The following CNIH3 variants were observed in gnomAD, a reference collection of about 807,000 sequenced individuals.
The protein encoded by CNIH3 is protein cornichon homolog 3.
Under a neutral mutation model 24.1 loss-of-function variants are expected in CNIH3, and 14 were observed. That is an observed-to-expected ratio of 0.58 (90% CI 0.38 to 0.91). The LOEUF (loss-of-function observed/expected upper bound fraction) is 0.91, where lower values mean the gene tolerates loss of function less well. Among genes scored for constraint, CNIH3 ranks in the 40% least tolerant of loss-of-function variants. The pLI, the probability that CNIH3 is intolerant of heterozygous loss-of-function variation, is 0.00. For synonymous variants in CNIH3, 68 were observed against 73.8 expected, an observed-to-expected ratio of 0.92 and a Z score of 0.40; for missense variants, 178 against 196.8, an observed-to-expected ratio of 0.90 and a Z score of 0.57.
chr1:224,471,905 T>TA (rs1431704696), intron 1 of CNIH3, among the ~76,000 whole-genome samples: 1 of 152,208 alleles, frequency 6.6e-6, no homozygotes, highest in Non-Finnish European at 1.5e-5. Context: ...TTCTTTTTTT[T>TA]ATAGCTGAAT....
chr1:224,719,648 CTAT>C (rs1688610203), intron 3 of CNIH3, among the ~76,000 whole-genome samples: 2 of 152,186 alleles, frequency 1.3e-5, no homozygotes, highest in Non-Finnish European at 2.9e-5. Flanking sequence ...GAATTAGATA[CTAT>C]TATTATTATC....
At chr1:224,671,489 A>C (rs1029860613) in intron 1 of CNIH3, among the ~76,000 whole-genome samples, 31 of 152,206 alleles carry the variant, frequency 2.0e-4, no homozygotes, top group Non-Finnish European at 1.5e-5. Context: ...AGAGGGTGAG[A>C]CTGCATGGCC....
At chr1:224,593,112 C>T (rs187166021), downstream of CNIH3, among the ~76,000 whole-genome samples, 97 of 151,880 alleles carry the variant, frequency 6.4e-4, no homozygotes, top group East Asian at 0.017. Context: ...CCCCACTTCC[C>T]GTCCCCAGAC....
intron 1 of CNIH3, among the ~76,000 whole-genome samples, chr1:224,634,744 C>T (rs911033734): frequency 1.3e-5 from 2 of 152,150 alleles, no homozygotes; most frequent in Non-Finnish European, 2.9e-5. Context: ...ACTCCTCTTC[C>T]TAAGAAATGC....
chr1:224,698,776 C>T (rs1444436542), intron 3 of CNIH3, among the ~76,000 whole-genome samples: 1 of 152,190 alleles, frequency 6.6e-6, no homozygotes, highest in Non-Finnish European at 1.5e-5. Flanking sequence ...AGTAAGGGCA[C>T]TAATTGTGAA....
At chr1:224,509,661 T>G (rs975627145) in intron 1 of CNIH3, among the ~76,000 whole-genome samples, 2 of 152,188 alleles carry the variant, frequency 1.3e-5, no homozygotes, top group Admixed American at 6.5e-5. Context: ...ACTCCCCAGG[T>G]GAGATCCTCC....
intron 1 of CNIH3, among the ~76,000 whole-genome samples, chr1:224,665,651 T>A (rs1038528985): frequency 6.6e-6 from 1 of 152,212 alleles, no homozygotes; most frequent in Non-Finnish European, 1.5e-5. Context: ...ATTCTTTGCA[T>A]CTACTTATAT....
intron 3 of CNIH3, chr1:224,546,971 A>G (rs148234177): frequency 5.4e-6 from 5 of 927,920 alleles, no homozygotes; most frequent in Non-Finnish European, 6.4e-6. Flanking sequence ...CAACCACTGA[A>G]TTAGGACTTT....
At chr1:224,691,175 G>A (rs1052148825) in intron 3 of CNIH3, among the ~76,000 whole-genome samples, 1 of 152,226 alleles carries the variant, frequency 6.6e-6, no homozygotes, top group African/African-American at 2.4e-5. Flanking sequence ...GGCCTGGTGA[G>A]AAATGGCAAT....
rs145210705 is a variant in CNIH3 at position 224,572,394 on chromosome 1, T to C, written n.516+6130T>C. On this transcript the variant is annotated intron_variant and non_coding_transcript_variant, in intron 4 of 5. Transcript: ENST00000471578. ...ATCTGGGCAAGGTGGCTCACGCCTGTAGTCCCAGCTATTTGGGAGGTTGAG... is the reference window on the plus strand; with the variant it reads ...ATCTGGGCAAGGTGGCTCACGCCTGCAGTCCCAGCTATTTGGGAGGTTGAG... Among the ~76,000 whole-genome samples the C allele has an allele frequency of 1.6e-4, 25 of 152,122 alleles. No individual in the cohort carries two copies. The East Asian group carries it at 3.7e-3, about 22-fold the overall frequency.
In CNIH3 at chr1:224,734,621, A is replaced by G; in HGVS notation, c.370A>G (p.Asn124Asp). The G allele has an allele frequency of 6.2e-7, 1 of 1,614,086 alleles. No homozygotes were observed. The highest frequency in any genetic ancestry group is 2.2e-5 in the East Asian group (1 of 44,884). ...AGCCTACGACCCACCGGTGGTCATG[A>G]ATGCCGACACTTTGAGTTACTGTCA... ...ELAYDPPVVM[N>D]ADTLSYCQKE... Residue 124 changes from asparagine to aspartate, a missense_variant, in exon 5 of 6, where the codon AAT (asparagine) becomes GAT (aspartate). Transcript: ENST00000272133.
rs1162511171 is a variant in CNIH3 at position 224,574,972 on chromosome 1, A to G, written n.517-8192A>G. 3 of 880,326 alleles carry G rather than the reference A, an allele frequency of 3.4e-6. No homozygotes were observed. In the African/African-American group the frequency reaches 4.9e-5, roughly 14 times the overall value. The allele number at this position is 880,326 out of a possible 1,614,324, so 54.5% of individuals were successfully genotyped here. A position where few individuals can be genotyped will look rare whatever the true frequency, so the allele number is the denominator to read the frequency against. Reference sequence around the variant, plus strand: ...ATCTTAAACAAACCTGACTTAAAGTATAAGTAGGTGGTTAATCAGATTGAG... The same window carrying G: ...ATCTTAAACAAACCTGACTTAAAGTGTAAGTAGGTGGTTAATCAGATTGAG... On this transcript the variant is annotated intron_variant and non_coding_transcript_variant, in intron 4 of 5. Transcript: ENST00000471578.
intron 3 of CNIH3, among the ~76,000 whole-genome samples, chr1:224,707,315 T>C (rs1687873559): frequency 6.6e-6 from 1 of 152,142 alleles, no homozygotes; most frequent in Non-Finnish European, 1.5e-5. Flanking sequence ...TTAAGCACAA[T>C]GTAATCAGGA....
intron 1 of CNIH3, among the ~76,000 whole-genome samples, chr1:224,639,764 G>C (rs984839945): frequency 6.6e-6 from 1 of 152,146 alleles, no homozygotes; most frequent in African/African-American, 2.4e-5. Context: ...CCACAGGCCA[G>C]AGCTTAACAT....
intron 3 of CNIH3, among the ~76,000 whole-genome samples, chr1:224,606,625 C>G (rs1450703174): frequency 6.6e-6 from 1 of 152,174 alleles, no homozygotes. Context: ...GGCGGGAAAA[C>G]AAAAGTGCAT....
intron 3 of CNIH3, among the ~76,000 whole-genome samples, chr1:224,693,628 A>G (rs1055149606): frequency 8.5e-5 from 13 of 152,202 alleles, no homozygotes; most frequent in Non-Finnish European, 1.6e-4. Context: ...CAAGAGAAGA[A>G]GTGGAAATGC....
At chr1:224,499,999 T>C (rs1677588459) in intron 1 of CNIH3, among the ~76,000 whole-genome samples, 2 of 151,554 alleles carry the variant, frequency 1.3e-5, no homozygotes, top group African/African-American at 4.9e-5. Context: ...AATTCCTTTC[T>C]TTCTTTTTTC....
chr1:224,467,159 G>A (rs1423351069), intron 1 of CNIH3, among the ~76,000 whole-genome samples: 1 of 152,078 alleles, frequency 6.6e-6, no homozygotes, highest in Non-Finnish European at 1.5e-5. Flanking sequence ...TCACGTGGCT[G>A]GGACTACAGG....
intron 4 of CNIH3, among the ~76,000 whole-genome samples, chr1:224,568,959 G>A (rs1212049573): frequency 1.3e-5 from 2 of 151,702 alleles, no homozygotes; most frequent in East Asian, 1.9e-4. Context: ...TGCAACCTCC[G>A]CCTCCCAGGC....
Sources: allele counts gnomAD v4.1 joint callset (sites outside exome capture counted in the v4.1 genomes callset), GRCh38; gene constraint gnomAD v4.1.1; transcripts MANE v1.5; gene names NCBI Gene and HGNC (gene_info 2026-07-23, HGNC 2026-07-21).